Variants in CDH7 observed in about 807,000 individuals in gnomAD.
CDH7 encodes the protein cadherin 7.
Under a neutral mutation model 71.8 loss-of-function variants are expected in CDH7, and 25 were observed. That is an observed-to-expected ratio of 0.35 (90% CI 0.25 to 0.49). The LOEUF is 0.49. Ranked by LOEUF, CDH7 falls within the 20% of genes least tolerant of loss-of-function variation. The pLI is 0.99. For synonymous variants in CDH7, 381 were observed against 363.8 expected (o/e 1.05, Z -0.54); for missense variants, 862 against 974.6 (o/e 0.88, Z 1.54).
rs1213815862 is a variant in CDH7, at chr18:65,889,681, G to A, written c.*8787G>A. ...TGTATACTTGCAAAATAACTAAAGA[G>A]TGTATTTAAGATTTAAATATATCTT... On this transcript the variant is annotated 3_prime_UTR_variant, in exon 12 of 12. Coordinates refer to ENST00000397968, the MANE Select transcript of CDH7 (RefSeq NM_004361.5). 1 of 152,162 alleles carries A rather than the reference G, an allele frequency of 6.6e-6. No homozygotes were observed. Among genetic ancestry groups the A allele is most frequent in the Non-Finnish European group, 1.5e-5 (1 of 68,028 alleles). The allele number at this position is 152,162 out of a possible 1,614,324, so 9.4% of individuals were successfully genotyped here. A position where few individuals can be genotyped will look rare whatever the true frequency, so the allele number is the denominator to read the frequency against.
At chr18:65,786,208 CT>C (rs1198256277) in intron 2 of CDH7, among the ~76,000 whole-genome samples, 2 of 150,918 alleles carry the variant, frequency 1.3e-5, no homozygotes, top group Non-Finnish European at 1.5e-5. Context: ...TGAGAAAGTA[CT>C]TTTTTTTTCA....
In CDH7 at chr18:65,880,859, A is replaced by G. The variant is rs368479442; in HGVS notation, c.2323A>G (p.Met775Val). The stretch of plus-strand genomic sequence containing the variant: ...ACCTCGCTTTAAACGACTCGCGGAC[A>G]TGTATGGGACTGGCCAAGAGAGTTT... ...WGPRFKRLAD[M>V]YGTGQESLYS Residue 775 changes from methionine to valine, a missense_variant, in exon 12 of 12, where the codon ATG (methionine) becomes GTG (valine). By Grantham distance (21) the Met-to-Val change is conservative (BLOSUM62 1). Coordinates refer to ENST00000397968, the MANE Select transcript of CDH7 (RefSeq NM_004361.5). 4 of 1,613,920 alleles carry G rather than the reference A, an allele frequency of 2.5e-6. No individual in the cohort carries two copies. The African/African-American group carries it at 4.0e-5, about 16-fold the overall frequency.
chr18:65,824,683 C>A lies in CDH7; in HGVS notation c.833C>A (p.Ala278Asp). The A allele has an allele frequency of 1.2e-6, 2 of 1,609,858 alleles. No individual in the cohort carries two copies. ...AACGTCCCAGAGTCATTACCTGTAG[C>A]CTCAGTTGTGGCCAGAATTAAAGCT... ...QYNVPESLPV[A>D]SVVARIKAAD... Residue 278 changes from alanine (A) to aspartate (D), a missense_variant, in exon 6 of 12, where the codon GCC (alanine) becomes GAC (aspartate). Physicochemically the swap from Ala to Asp is moderately radical, Grantham distance 126. Coordinates refer to ENST00000397968, the MANE Select transcript of CDH7 (RefSeq NM_004361.5).
chr18:65,778,677 T>TG (rs1910059376), intron 2 of CDH7, among the ~76,000 whole-genome samples: 1 of 150,698 alleles, frequency 6.6e-6, no homozygotes. Flanking sequence ...TTTTTTTTTG[T>TG]TTGTTTTTCA....
intron 2 of CDH7, among the ~76,000 whole-genome samples, chr18:65,776,371 C>A (rs1334592966): frequency 1.4e-5 from 2 of 147,948 alleles, no homozygotes; most frequent in East Asian, 4.0e-4. Flanking sequence ...AACACACACA[C>A]ACACACACAC....
chr18:65,860,929 A>T (rs1456898261), intron 10 of CDH7, among the ~76,000 whole-genome samples: 3 of 152,190 alleles, frequency 2.0e-5, no homozygotes, highest in Non-Finnish European at 4.4e-5. Context: ...AAGGTAGAGC[A>T]TTCTCTACCT....
chr18:65,766,922 A>AAAAAAAATT (rs199518714), intron 2 of CDH7, among the ~76,000 whole-genome samples: 2 of 136,940 alleles, frequency 1.5e-5, no homozygotes, highest in African/African-American at 5.5e-5. Flanking sequence ...AAAAAAAAAA[A>AAAAAAAATT]GTCTACAAAA....
chr18:65,794,617 A>G (rs1294623028), intron 2 of CDH7, among the ~76,000 whole-genome samples: 1 of 151,478 alleles, frequency 6.6e-6, no homozygotes, highest in Non-Finnish European at 1.5e-5. Context: ...CTGAAAATTT[A>G]GTTGTTTTAA....
chr18:65,774,464 T>C (rs1404912616), intron 2 of CDH7, among the ~76,000 whole-genome samples: 1 of 152,104 alleles, frequency 6.6e-6, no homozygotes, highest in South Asian at 2.1e-4. Context: ...CACATTCTTA[T>C]TTGGTTTTAC....
At chr18:65,799,863 T>G (rs1911057098) in intron 2 of CDH7, among the ~76,000 whole-genome samples, 2 of 152,148 alleles carry the variant, frequency 1.3e-5, no homozygotes, top group Admixed American at 1.3e-4. Flanking sequence ...CTCTCATGAA[T>G]GATTGAAATA....
chr18:65,846,637 G>C (rs1263686381), intron 7 of CDH7, among the ~76,000 whole-genome samples: 1 of 151,906 alleles, frequency 6.6e-6, no homozygotes, highest in Non-Finnish European at 1.5e-5. Flanking sequence ...CCCTTAAGAG[G>C]CCAGTCTCCT....
intron 6 of CDH7, among the ~76,000 whole-genome samples, chr18:65,830,091 T>TG (rs1912283509): frequency 6.6e-6 from 1 of 151,998 alleles, no homozygotes; most frequent in Non-Finnish European, 1.5e-5. Context: ...GGCACAGAGG[T>TG]AATCACCTGT....
At chr18:65,782,094 CCT>C (rs1199975437) in intron 2 of CDH7, among the ~76,000 whole-genome samples, 30 of 52,842 alleles carry the variant, frequency 5.7e-4, no homozygotes, top group Non-Finnish European at 7.6e-4. Flanking sequence ...TTCCTTCCTT[CCT>C]TCCTTCCTTC....
At chr18:65,872,174 CA>C (rs1913946852) in intron 11 of CDH7, among the ~76,000 whole-genome samples, 1 of 152,064 alleles carries the variant, frequency 6.6e-6, no homozygotes, top group Non-Finnish European at 1.5e-5. Context: ...CACAATTTCC[CA>C]TGAAGTTCTG....
At chr18:65,800,897 C>A (rs1331083828) in intron 2 of CDH7, among the ~76,000 whole-genome samples, 1 of 152,112 alleles carries the variant, frequency 6.6e-6, no homozygotes, top group African/African-American at 2.4e-5. Flanking sequence ...AAGTTCCTCC[C>A]CTTCATTGTG....
Position 65,763,010 on chromosome 18 carries a change from G to T in CDH7, c.168G>T (p.Val56=). 1 of 1,613,520 alleles carries T rather than the reference G, an allele frequency of 6.2e-7. No homozygotes were observed. The highest frequency in any genetic ancestry group is 8.5e-7 in the Non-Finnish European group (1 of 1,179,724). ...KRSWVWNQFF[V]LEEYMGSDPL... ...GCTGGGTGTGGAATCAGTTCTTTGT[G>T]CTGGAGGAATACATGGGTTCAGACC... Residue 56 remains valine (V), a synonymous_variant, in exon 2 of 12, where the codon GTG becomes GTT. Transcript: ENST00000397968.
chr18:65,872,063 A>T (rs910849419), intron 11 of CDH7, among the ~76,000 whole-genome samples: 19 of 152,322 alleles, frequency 1.2e-4, no homozygotes, highest in African/African-American at 3.8e-4. Flanking sequence ...CTACAAAAAA[A>T]CATGGTTTGA....
chr18:65,809,643 A>T, intron 2 of CDH7, 61 bp from the exon 3 acceptor site: 2 of 1,343,904 alleles, frequency 1.5e-6, no homozygotes, highest in Non-Finnish European at 2.1e-6. Context: ...TTATTTTTAC[A>T]TATCTCCATA....
rs760789548 is a variant in CDH7 at position 65,862,662 on chromosome 18, C to G, written c.1613-4C>G. On this transcript the variant is annotated splice_region_variant and splice_polypyrimidine_tract_variant and intron_variant, in intron 10 of 11. Coordinates refer to ENST00000397968, the MANE Select transcript of CDH7 (RefSeq NM_004361.5). ...GTGTTATACATTTGCTTTCGTTATCCTAGACAACACAGCCTCAATACTGAC... is the reference window on the plus strand; with the variant it reads ...GTGTTATACATTTGCTTTCGTTATCGTAGACAACACAGCCTCAATACTGAC... 15 of 1,613,416 alleles carry G rather than the reference C, an allele frequency of 9.3e-6. No homozygotes were observed. The Admixed American group carries it at 1.2e-4, about 13-fold the overall frequency.
Sources: allele counts gnomAD v4.1 joint callset (sites outside exome capture counted in the v4.1 genomes callset), GRCh38; gene constraint gnomAD v4.1.1; transcripts MANE v1.5; gene names NCBI Gene and HGNC (gene_info 2026-07-23, HGNC 2026-07-21).